Variants in NEK11 observed in about 807,000 individuals in gnomAD.
NEK11 encodes the protein serine/threonine-protein kinase Nek11.
A neutral mutation model predicts 80.7 loss-of-function variants in NEK11; 72 were observed. The ratio of observed to expected loss-of-function variants is 0.89; its 90% CI spans 0.74 to 1.08. NEK11 has a LOEUF of 1.08. Ranked by LOEUF, NEK11 falls within the 50% of genes least tolerant of loss-of-function variation. NEK11 has a pLI of 0.00. For synonymous variants in NEK11, 251 were observed against 260.7 expected, an observed-to-expected ratio of 0.96 and a Z score of 0.36; for missense variants, 764 against 763.6, an observed-to-expected ratio of 1.00 and a Z score of -0.01.
In NEK11 at chr3:131,195,216, G is replaced by A. The variant is rs560311260; in HGVS notation, c.1399+24329G>A. Among the ~76,000 whole-genome samples, 71 of 152,096 alleles carry A rather than the reference G, an allele frequency of 4.7e-4. 1 individual carries two copies. The South Asian group carries it at 0.013, about 29-fold the overall frequency. On this transcript the variant is annotated intron_variant, in intron 14 of 17. Transcript: ENST00000383366. ...GGATATACAACAGAAAAACTTTCAC[G>A]TGGCCTATAAGGCCCCTGCCTGCTT...
chr3:131,305,086 G>A (rs1421257189), intron 17 of NEK11, among the ~76,000 whole-genome samples: 1 of 151,722 alleles, frequency 6.6e-6, no homozygotes, highest in African/African-American at 2.4e-5. Flanking sequence ...AGCATGGTGG[G>A]GTGCCCACAC....
chr3:131,297,505 G>C (rs1388603563), intron 17 of NEK11, among the ~76,000 whole-genome samples: 1 of 152,016 alleles, frequency 6.6e-6, no homozygotes, highest in Non-Finnish European at 1.5e-5. Flanking sequence ...TTTTTGATGG[G>C]GTTGTTTGAT....
chr3:131,094,046 C>G (rs556676920), intron 4 of NEK11, among the ~76,000 whole-genome samples: 2 of 149,320 alleles, frequency 1.3e-5, no homozygotes, highest in Non-Finnish European at 3.0e-5. Context: ...TTGAGATCTC[C>G]AGTGGATTTA....
At chr3:131,241,685 T>C (rs1015831607) in intron 15 of NEK11, among the ~76,000 whole-genome samples, 1 of 152,074 alleles carries the variant, frequency 6.6e-6, no homozygotes, top group African/African-American at 2.4e-5. Context: ...CAACAGTACA[T>C]TGTACTGTTT....
intron 17 of NEK11, among the ~76,000 whole-genome samples, chr3:131,317,555 G>A (rs2096852650): frequency 6.6e-6 from 1 of 151,818 alleles, no homozygotes. Context: ...TCCTCAAAGT[G>A]TGGTCCCAGA....
At chr3:131,323,755 T>C (rs16836404) in intron 17 of NEK11, among the ~76,000 whole-genome samples, 15,269 of 152,258 alleles carry the variant, frequency 0.1, 1,236 homozygotes, top group African/African-American at 0.22. Context: ...TTGCTTTTGT[T>C]CTGTGTATAT....
chr3:131,083,514 A>G (rs2075581658), intron 4 of NEK11, among the ~76,000 whole-genome samples: 2 of 152,214 alleles, frequency 1.3e-5, no homozygotes, highest in South Asian at 4.1e-4. Context: ...ATCAGACCCA[A>G]ATTTACTCTT....
chr3:131,212,293 G>A lies in NEK11; in HGVS notation c.1400-16235G>A, dbSNP rs575359287. On this transcript the variant is annotated intron_variant, in intron 14 of 17. Transcript: ENST00000383366. Reference sequence around the variant, plus strand: ...CCCTGTTTCCCTGGGTATCACCAGCGGAGGCTGCAGAACAGCAAATATTGC... The same window carrying A: ...CCCTGTTTCCCTGGGTATCACCAGCAGAGGCTGCAGAACAGCAAATATTGC... Among the ~76,000 whole-genome samples, 520 of 152,284 alleles carry A rather than the reference G, an allele frequency of 3.4e-3. 2 individuals carry two copies. The highest frequency in any genetic ancestry group is 0.011 in the African/African-American group (476 of 41,552).
At chr3:131,101,000 C>T (rs1037341553) in intron 4 of NEK11, among the ~76,000 whole-genome samples, 1 of 151,974 alleles carries the variant, frequency 6.6e-6, no homozygotes, top group Non-Finnish European at 1.5e-5. Flanking sequence ...TATGTGTTTC[C>T]TCTAGATTTT....
At chr3:131,307,394 C>T (rs980356328) in intron 17 of NEK11, among the ~76,000 whole-genome samples, 4 of 152,138 alleles carry the variant, frequency 2.6e-5, no homozygotes, top group Non-Finnish European at 5.9e-5. Context: ...TATTTGTTCC[C>T]GAACTCTTTG....
In NEK11 at chr3:131,349,657, T is replaced by C. The variant is rs2097424991; in HGVS notation, c.1819T>C (p.Cys607Arg). ...TGCTAGCGAAGCAGAGATCCGCGAGTGTTTGGAAAAAGTGGTGCCTCAAGC... is the reference window on the plus strand; with the variant it reads ...TGCTAGCGAAGCAGAGATCCGCGAGCGTTTGGAAAAAGTGGTGCCTCAAGC... Reference protein sequence around the residue: ...QNASEAEIRECLEKVVPQASD... With the variant: ...QNASEAEIRERLEKVVPQASD... Residue 607 changes from cysteine (C) to arginine (R), a missense_variant, in exon 18 of 18, where the codon TGT (cysteine) becomes CGT (arginine). Coordinates refer to ENST00000383366, the MANE Select transcript of NEK11 (RefSeq NM_024800.5). 6.2e-7 allele frequency: 1 copy of C among 1,613,774 alleles called. No individual in the cohort carries two copies. The highest frequency in any genetic ancestry group is 1.3e-5 in the African/African-American group (1 of 74,790).
At chr3:131,320,691 A>G (rs2096888542) in intron 17 of NEK11, among the ~76,000 whole-genome samples, 4 of 152,092 alleles carry the variant, frequency 2.6e-5, no homozygotes, top group Admixed American at 2.6e-4. Flanking sequence ...AGCTGGCCTG[A>G]TCCTATAAGA....
chr3:131,072,236 A>G (rs1012070517), intron 3 of NEK11: 3 of 152,120 alleles, frequency 2.0e-5, no homozygotes, highest in Non-Finnish European at 4.4e-5. Context: ...TTACCTCTCC[A>G]TGTTTCTGCC....
At chr3:131,219,126 A>G (rs994254368) in intron 14 of NEK11, among the ~76,000 whole-genome samples, 4 of 152,234 alleles carry the variant, frequency 2.6e-5, no homozygotes, top group Admixed American at 2.6e-4. Flanking sequence ...CACAATAGCA[A>G]AGACCTGGAA....
chr3:131,195,021 C>A (rs1322222486), intron 14 of NEK11, among the ~76,000 whole-genome samples: 1 of 152,120 alleles, frequency 6.6e-6, no homozygotes. Flanking sequence ...CTCCAGTTGC[C>A]CAACGCTGAG....
chr3:131,179,723 C>A (rs2093242053), intron 14 of NEK11, among the ~76,000 whole-genome samples: 1 of 152,012 alleles, frequency 6.6e-6, no homozygotes, highest in Non-Finnish European at 1.5e-5. Context: ...CATATTTCAT[C>A]CAGTCTAAAA....
At chr3:131,330,629 G>C (rs1045902747) in intron 17 of NEK11, 1 of 152,158 alleles carries the variant, frequency 6.6e-6, no homozygotes, top group African/African-American at 2.4e-5. Context: ...TATTTGAAGA[G>C]TCTGTCATCA....
intron 1 of NEK11, chr3:131,027,470 C>T (rs1334625940): frequency 6.6e-6 from 1 of 151,900 alleles, no homozygotes; most frequent in Non-Finnish European, 1.5e-5. Context: ...TCTTAACTAA[C>T]CTTTTTTCTC....
At chr3:131,068,448 T>C (rs552318550) in intron 3 of NEK11, among the ~76,000 whole-genome samples, 1 of 152,390 alleles carries the variant, frequency 6.6e-6, no homozygotes, top group South Asian at 2.1e-4. Context: ...TTGATTCTAA[T>C]GTTTTCCTTT....
Sources: gnomAD v4.1 joint callset for allele counts (sites outside exome capture counted in the v4.1 genomes callset) on GRCh38, gnomAD v4.1.1 for gene constraint, MANE v1.5 for transcripts, NCBI Gene and HGNC (gene_info 2026-07-23, HGNC 2026-07-21) for gene names.